The following RBM11 variants were observed in gnomAD, a reference collection of about 807,000 sequenced individuals.
RBM11 encodes the protein splicing regulator RBM11.
RBM11 carries 18 observed loss-of-function variants against 21.4 expected under a neutral mutation model. The observed-to-expected ratio is 0.84, with a 90% CI of 0.58 to 1.25. RBM11 has a LOEUF of 1.25. Ranked by LOEUF, RBM11 falls within the 50% of genes most tolerant of loss-of-function variation. The probability of loss-of-function intolerance (pLI) is 0.00; values close to 1 mark genes in which losing one functional copy is unlikely to be tolerated. For missense variants in RBM11, 294 were observed against 331.9 expected, an observed-to-expected ratio of 0.89 and a Z score of 0.89; for synonymous variants, 120 against 116.3, an observed-to-expected ratio of 1.03 and a Z score of -0.20.
At chr21:14,225,991 C>T (rs182695239) in intron 4 of RBM11, among the ~76,000 whole-genome samples, 3 of 151,356 alleles carry the variant, frequency 2.0e-5, no homozygotes, top group South Asian at 2.1e-4. Context: ...AATTTAAAAC[C>T]GATACTTGGT....
chr21:14,224,686 A>G (rs1436136878), intron 4 of RBM11, 149 bp downstream of exon 4: 2 of 1,211,666 alleles, frequency 1.7e-6, no homozygotes, highest in East Asian at 5.7e-5. Flanking sequence ...TCCTGGCCTA[A>G]CACCATCATC....
rs1233666227 is a variant in RBM11 at position 14,226,941 on chromosome 21, C to G, written c.494C>G (p.Pro165Arg). The change falls in exon 5 of 5, where the codon CCT becomes CGT. Residue 165 changes from proline to arginine, a missense_variant. By Grantham distance (103) the Pro-to-Arg change is moderately radical. Coordinates refer to ENST00000400577, the MANE Select transcript of RBM11 (RefSeq NM_144770.5). ...TACTATGAAATGACAGCTCCACTTC[C>G]TAATAGTGCATCCGTGTCTTCCTCA... ...LPYYEMTAPLPNSASVSSSLN... is the reference protein window; with the variant it reads ...LPYYEMTAPLRNSASVSSSLN... 3 of 1,613,638 alleles carry G rather than the reference C, an allele frequency of 1.9e-6. No homozygotes were observed. Among genetic ancestry groups the G allele is most frequent in the Non-Finnish European group, 2.5e-6 (3 of 1,179,766 alleles).
rs1483019901 is a variant in RBM11, at chr21:14,224,513, A to C, written c.408A>C (p.Gln136His). 6.4e-7 allele frequency: 1 copy of C among 1,554,424 alleles called. No individual in the cohort carries two copies. Among genetic ancestry groups the C allele is most frequent in the Non-Finnish European group, 8.7e-7 (1 of 1,148,392 alleles). ...YFPINNTSLP[Q>H]EYFLFQKMQW... ...CAATTAATAATACTTCTTTACCTCA[A>C]GAATATTTTCTCTTTCAGAAGATGG... The change falls in exon 4 of 5, where the codon CAA becomes CAC. Residue 136 changes from glutamine to histidine, a missense_variant. Transcript: ENST00000400577.
At chr21:14,224,300 CTT>C in intron 3 of RBM11, 136 bp from the exon 4 acceptor site, 1 of 1,294,968 alleles carries the variant, frequency 7.7e-7, no homozygotes, top group Non-Finnish European at 1.0e-6. Flanking sequence ...GCCCATCACA[CTT>C]CTGAATTTAC....
Position 14,221,047 on chromosome 21 carries a change from T to G in RBM11, c.260-50T>G, listed in dbSNP as rs764403097. ...TCATTTTATGGTTTAATATTACAAC[T>G]CAAAAAAAAATGTACCATGAAGTAA... On this transcript the variant is annotated intron_variant, in intron 2 of 4. Transcript: ENST00000400577. 7 of 1,500,610 alleles carry G rather than the reference T, an allele frequency of 4.7e-6. No individual in the cohort carries two copies. The South Asian group carries it at 9.0e-5, about 19-fold the overall frequency. The allele number at this position is 1,500,610 out of a possible 1,614,324, so 93.0% of individuals were successfully genotyped here.
At chr21:14,220,659 C>T (rs1255619747) in intron 2 of RBM11, among the ~76,000 whole-genome samples, 1 of 152,058 alleles carries the variant, frequency 6.6e-6, no homozygotes, top group African/African-American at 2.4e-5. Flanking sequence ...TTTGCCATTA[C>T]TTTTAATGTC....
At chr21:14,223,866 C>T (rs920372411) in intron 3 of RBM11, among the ~76,000 whole-genome samples, 1 of 152,266 alleles carries the variant, frequency 6.6e-6, no homozygotes, top group Middle Eastern at 3.4e-3. Flanking sequence ...GGCCATCTCT[C>T]GTGAGCTCCT....
At chr21:14,216,620 G>C (rs2020452232) in intron 1 of RBM11, among the ~76,000 whole-genome samples, 1 of 152,208 alleles carries the variant, frequency 6.6e-6, no homozygotes. Flanking sequence ...CCGTCAAGTA[G>C]TAAGCACGCC....
chr21:14,217,113 G>T (rs1028778600), intron 1 of RBM11, among the ~76,000 whole-genome samples: 2 of 152,168 alleles, frequency 1.3e-5, no homozygotes, highest in African/African-American at 4.8e-5. Flanking sequence ...ATAGAAAAGT[G>T]GTTCCGCGTG....
chr21:14,220,916 T>G (rs1025540661), intron 2 of RBM11, among the ~76,000 whole-genome samples, 181 bp from the exon 3 acceptor site: 5 of 152,172 alleles, frequency 3.3e-5, no homozygotes, highest in Admixed American at 1.3e-4. Flanking sequence ...GATATATATA[T>G]AGTACTGTAA....
At chr21:14,218,687 A>G (rs1978406435) in intron 1 of RBM11, among the ~76,000 whole-genome samples, 1 of 152,116 alleles carries the variant, frequency 6.6e-6, no homozygotes, top group African/African-American at 2.4e-5. Context: ...TATTTATGCA[A>G]CTCTACAGGG....
In RBM11 at chr21:14,226,862, A is replaced by C. The variant is rs374666619; in HGVS notation, c.433-18A>C. The C allele has an allele frequency of 8.8e-6, 14 of 1,584,746 alleles. No individual in the cohort carries two copies. In the African/African-American group the frequency reaches 1.9e-4, roughly 22 times the overall value. ...CCTTTTGGATTTGTTTTGGTAGATG[A>C]ATGTCTTGTTTTCACAGCAGTGGCA... is the stretch of plus-strand genomic sequence containing the variant. On this transcript the variant is annotated intron_variant, in intron 4 of 4. Coordinates refer to ENST00000400577, the MANE Select transcript of RBM11 (RefSeq NM_144770.5).
In RBM11 at chr21:14,221,098, G is replaced by A. The variant is rs758455771; in HGVS notation, c.261G>A (p.Gly87=). The A allele has an allele frequency of 1.9e-6, 3 of 1,571,646 alleles. No individual in the cohort carries two copies. Among genetic ancestry groups the A allele is most frequent in the Admixed American group, 3.7e-5 (2 of 53,812 alleles). ...GRPINVQYRF[G]SSRSSEPANQ... ...CCTGTTACTCTGTTTCTTTCAAAGG[G>A]AGTTCTCGCTCTTCTGAACCAGCTA... is the stretch of plus-strand genomic sequence containing the variant. The change falls in exon 3 of 5, where the codon GGG becomes GGA. Residue 87 remains glycine, a splice_region_variant and synonymous_variant. Transcript: ENST00000400577.
In RBM11 at chr21:14,221,079, A is replaced by G; in HGVS notation, c.260-18A>G. On this transcript the variant is annotated intron_variant, in intron 2 of 4. Transcript: ENST00000400577. Reference sequence around the variant, plus strand: ...AAAATGTACCATGAAGTAACCTGTTACTCTGTTTCTTTCAAAGGGAGTTCT... The same window carrying G: ...AAAATGTACCATGAAGTAACCTGTTGCTCTGTTTCTTTCAAAGGGAGTTCT... 6.4e-7 allele frequency: 1 copy of G among 1,552,996 alleles called. No homozygotes were observed. Among genetic ancestry groups the G allele is most frequent in the Non-Finnish European group, 8.7e-7 (1 of 1,149,504 alleles).
chr21:14,224,611 A>G, intron 4 of RBM11, 74 bp downstream of exon 4: 2 of 1,474,810 alleles, frequency 1.4e-6, no homozygotes, highest in South Asian at 2.8e-5. Flanking sequence ...TATTTGTAAC[A>G]TATGGTGCCC....
rs373375477 is a variant in RBM11, at chr21:14,216,222, G to A, written c.36G>A (p.Val12=). The A allele has an allele frequency of 4.3e-6, 7 of 1,613,756 alleles. No individual in the cohort carries two copies. The highest frequency in any genetic ancestry group is 5.9e-6 in the Non-Finnish European group (7 of 1,179,836). ...CTCAGGAGGAGGCCGACAGGACCGTGTTTGTTGGGAATTTAGAGGCCCGAG... is the reference window on the plus strand; with the variant it reads ...CTCAGGAGGAGGCCGACAGGACCGTATTTGTTGGGAATTTAGAGGCCCGAG... ...FPAQEEADRT[V]FVGNLEARVR... The change falls in exon 1 of 5, where the codon GTG becomes GTA. Residue 12 remains valine (V), a synonymous_variant. Coordinates refer to ENST00000400577, the MANE Select transcript of RBM11 (RefSeq NM_144770.5).
At chr21:14,226,729 C>G in intron 4 of RBM11, 151 bp from the exon 5 acceptor site, 1 of 1,035,780 alleles carries the variant, frequency 9.7e-7, no homozygotes, top group Non-Finnish European at 1.4e-6. Context: ...TAATGAAACA[C>G]CTACCTTTCT....
rs1979213561 is a variant in RBM11, at chr21:14,227,542, C to T, written c.*249C>T. On this transcript the variant is annotated 3_prime_UTR_variant, in exon 5 of 5. Transcript: ENST00000400577. ...CCATTGGCAACAAATAGACTATTGT[C>T]ATTTTATTAGTACCAATGATGAAAT... 2.3e-6 allele frequency: 1 copy of T among 442,846 alleles called. No homozygotes were observed. Among genetic ancestry groups the T allele is most frequent in the South Asian group, 3.4e-5 (1 of 29,550 alleles). 27.4% of individuals were successfully genotyped at this position (442,846 alleles called of 1,614,324 possible).
At chr21:14,221,069 G>A (rs1978624310) in intron 2 of RBM11, 28 bp from the exon 3 acceptor site, 1 of 1,532,090 alleles carries the variant, frequency 6.5e-7, no homozygotes, top group Non-Finnish European at 8.8e-7. Flanking sequence ...GTACCATGAA[G>A]TAACCTGTTA....
Sources: gnomAD v4.1 joint callset for allele counts (sites outside exome capture counted in the v4.1 genomes callset) on GRCh38, gnomAD v4.1.1 for gene constraint, MANE v1.5 for transcripts, NCBI Gene and HGNC (gene_info 2026-07-23, HGNC 2026-07-21) for gene names.